RGS6: variants seen among roughly 807,000 people sequenced by gnomAD.
The protein encoded by RGS6 is regulator of G protein signaling 6, also known as regulator of G-protein signaling 6.
RGS6 carries 30 observed loss-of-function variants against 78.5 expected under a neutral mutation model. The ratio of observed to expected loss-of-function variants is 0.38; its 90% confidence interval spans 0.29 to 0.52. The LOEUF (loss-of-function observed/expected upper bound fraction) is 0.52. Among genes scored for constraint, RGS6 ranks in the 20% least tolerant of loss-of-function variants. The pLI is 0.85. For missense variants in RGS6, 495 were observed against 609.7 expected, an observed-to-expected ratio of 0.81 and a Z score of 1.98; for synonymous variants, 206 against 206.0, an observed-to-expected ratio of 1.00 and a Z score of 0.00.
chr14:71,893,214 T>C, the RGS6 span, among the ~76,000 whole-genome samples: 31 of 152,246 alleles, frequency 2.0e-4, no homozygotes, highest in Non-Finnish European at 4.6e-4. Context: ...GACTTCAGGA[T>C]TCCCCATCTC....
At chr14:72,045,399 C>T (rs1360475228) in intron 2 of RGS6, among the ~76,000 whole-genome samples, 1 of 152,134 alleles carries the variant, frequency 6.6e-6, no homozygotes, top group East Asian at 1.9e-4. Flanking sequence ...TCACAGACTA[C>T]AGTTGGCCTG....
the RGS6 span, among the ~76,000 whole-genome samples, chr14:72,599,401 T>TCG: frequency 1.0e-5 from 1 of 99,612 alleles, no homozygotes; most frequent in African/African-American, 4.3e-5. Flanking sequence ...TCCTTTTTTT[T>TCG]TTTTTTTTTT....
chr14:72,244,887 C>T (rs749829113), intron 2 of RGS6, among the ~76,000 whole-genome samples: 12 of 151,766 alleles, frequency 7.9e-5, no homozygotes, highest in Middle Eastern at 3.4e-3. Flanking sequence ...TGCAATGGCA[C>T]GATCTCAGCT....
intron 2 of RGS6, among the ~76,000 whole-genome samples, chr14:72,142,110 G>A (rs1178197609): frequency 6.6e-6 from 1 of 152,062 alleles, no homozygotes; most frequent in African/African-American, 2.4e-5. Flanking sequence ...TGTTAACGGT[G>A]CTGAGTTCTT....
intron 3 of RGS6, among the ~76,000 whole-genome samples, chr14:72,360,300 T>A (rs1596259360): frequency 6.6e-6 from 1 of 151,842 alleles, no homozygotes; most frequent in Non-Finnish European, 1.5e-5. Context: ...GGTAGGCAGA[T>A]CACAAGGTCA....
intron 2 of RGS6, among the ~76,000 whole-genome samples, chr14:72,032,559 A>G (rs182949425): frequency 2.2e-4 from 33 of 152,206 alleles, no homozygotes; most frequent in African/African-American, 7.7e-4. Flanking sequence ...ATCTCTGGAA[A>G]CCTCATTTTG....
At chr14:72,286,888 A>G (rs1024361714) in intron 2 of RGS6, among the ~76,000 whole-genome samples, 4 of 151,924 alleles carry the variant, frequency 2.6e-5, no homozygotes, top group South Asian at 2.1e-4. Flanking sequence ...GGTTCAAGCA[A>G]TTCTTCTGCC....
chr14:71,892,302 C>A, the RGS6 span, among the ~76,000 whole-genome samples: 2 of 152,192 alleles, frequency 1.3e-5, no homozygotes, highest in African/African-American at 4.8e-5. Context: ...CAATTAGCCA[C>A]CAGTAGGTAG....
intron 2 of RGS6, among the ~76,000 whole-genome samples, chr14:72,247,113 C>A (rs527308045): frequency 7.9e-5 from 12 of 152,314 alleles, no homozygotes; most frequent in African/African-American, 2.4e-4. Flanking sequence ...TCCGTGAAGA[C>A]TTGCTGTGAT....
the RGS6 span, among the ~76,000 whole-genome samples, chr14:72,595,490 C>T: frequency 8.3e-6 from 1 of 120,702 alleles, no homozygotes; most frequent in Non-Finnish European, 1.8e-5. Flanking sequence ...AAACAAAAAG[C>T]TTAGCCCCAG....
At chr14:72,395,457 T>C (rs1047885505) in intron 3 of RGS6, among the ~76,000 whole-genome samples, 3 of 152,324 alleles carry the variant, frequency 2.0e-5, no homozygotes, top group South Asian at 2.1e-4. Context: ...ACTGTACTTA[T>C]ATACAGAAGT....
At chr14:72,321,724 A>T (rs948962676) in intron 2 of RGS6, among the ~76,000 whole-genome samples, 1 of 152,038 alleles carries the variant, frequency 6.6e-6, no homozygotes, top group East Asian at 1.9e-4. Context: ...AAGATAAGGA[A>T]AAATAGAAAG....
At chr14:72,359,643 C>G (rs2081080953) in intron 3 of RGS6, among the ~76,000 whole-genome samples, 1 of 152,050 alleles carries the variant, frequency 6.6e-6, no homozygotes, top group African/African-American at 2.4e-5. Context: ...CAGGGTACTC[C>G]AATCTATAGA....
intron 2 of RGS6, among the ~76,000 whole-genome samples, chr14:72,152,409 C>T (rs746897635): frequency 2.4e-4 from 36 of 152,060 alleles, no homozygotes; most frequent in Non-Finnish European, 4.0e-4. Flanking sequence ...GAGGGTAGTA[C>T]GTTCCAAATC....
chr14:71,997,679 TGGGA>T (rs2082654114), intron 2 of RGS6, among the ~76,000 whole-genome samples: 1 of 151,768 alleles, frequency 6.6e-6, no homozygotes, highest in Admixed American at 6.6e-5. Flanking sequence ...ATTTCGGGGG[TGGGA>T]GGCACTGTGC....
At chr14:72,487,535 T>C (rs777041447) in intron 12 of RGS6, among the ~76,000 whole-genome samples, 1 of 152,168 alleles carries the variant, frequency 6.6e-6, no homozygotes, top group Non-Finnish European at 1.5e-5. Flanking sequence ...GGGCCCAGCA[T>C]AATCACAGGT....
chr14:72,383,198 A>ATG (rs1466665227), intron 3 of RGS6, among the ~76,000 whole-genome samples: 2 of 123,930 alleles, frequency 1.6e-5, no homozygotes, highest in Admixed American at 8.6e-5. Context: ...ATATATATAT[A>ATG]TATATATATA....
At chr14:72,473,096 A>G (rs1598022914) in intron 9 of RGS6, 143 bp downstream of exon 9, 2 of 566,754 alleles carry the variant, frequency 3.5e-6, no homozygotes, top group East Asian at 6.3e-5. Context: ...TTCGCCATTC[A>G]TTTATATAAT....
At chr14:72,617,335 C>A in the RGS6 span, among the ~76,000 whole-genome samples, 1 of 152,034 alleles carries the variant, frequency 6.6e-6, no homozygotes, top group African/African-American at 2.4e-5. Context: ...AATTATTAGC[C>A]TTTGGAGACA....
Sources: gnomAD v4.1 joint callset for allele counts (sites outside exome capture counted in the v4.1 genomes callset) on GRCh38, gnomAD v4.1.1 for gene constraint, MANE v1.5 for transcripts, NCBI Gene and HGNC (gene_info 2026-07-23, HGNC 2026-07-21) for gene names.